The following HS3ST5 variants were observed in gnomAD, a reference collection of about 807,000 sequenced individuals.
The protein encoded by HS3ST5 is heparan sulfate-glucosamine 3-sulfotransferase 5, also known as heparan sulfate glucosamine 3-O-sulfotransferase 5.
A neutral mutation model predicts 25.4 loss-of-function variants in HS3ST5; 10 were observed. The observed-to-expected ratio is 0.39, with a 90% confidence interval of 0.24 to 0.67. The LOEUF (loss-of-function observed/expected upper bound fraction) is 0.67, where lower values mean the gene tolerates loss of function less well. Among genes scored for constraint, HS3ST5 ranks in the 30% least tolerant of loss-of-function variants. HS3ST5 has a pLI of 0.44. For synonymous variants in HS3ST5, 170 were observed against 162.4 expected (o/e 1.05, Z -0.36); for missense variants, 324 against 420.7 (o/e 0.77, Z 2.01).
intron 1 of HS3ST5, among the ~76,000 whole-genome samples, chr6:114,257,107 A>G (rs1392829909): frequency 6.6e-6 from 1 of 152,122 alleles, no homozygotes; most frequent in Non-Finnish European, 1.5e-5. Context: ...CCTATGATTC[A>G]ATTATCTCCC....
At chr6:114,239,895 C>T (rs533894022) in intron 1 of HS3ST5, among the ~76,000 whole-genome samples, 3 of 152,144 alleles carry the variant, frequency 2.0e-5, no homozygotes, top group Admixed American at 1.3e-4. Flanking sequence ...GCATAACTTC[C>T]TTGTTCTAAG....
At chr6:114,340,730 A>T (rs1443021624) in intron 1 of HS3ST5, 1 of 152,220 alleles carries the variant, frequency 6.6e-6, no homozygotes, top group Non-Finnish European at 1.5e-5. Flanking sequence ...AACCTTTTTT[A>T]AAAAATAATC....
intron 1 of HS3ST5, among the ~76,000 whole-genome samples, chr6:114,249,791 A>AT (rs985592375): frequency 6.6e-6 from 1 of 151,474 alleles, no homozygotes; most frequent in Non-Finnish European, 1.5e-5. Context: ...TCTGTCCAAA[A>AT]TTTTTTTTTC....
intron 3 of HS3ST5, among the ~76,000 whole-genome samples, chr6:114,072,306 AT>A (rs1302759439): frequency 6.6e-6 from 1 of 151,600 alleles, no homozygotes; most frequent in Admixed American, 6.6e-5. Flanking sequence ...GAAAAAAAAA[AT>A]TGAAAAAGCT....
At chr6:114,060,448 G>A (rs1773044847) in intron 4 of HS3ST5, among the ~76,000 whole-genome samples, 1 of 152,132 alleles carries the variant, frequency 6.6e-6, no homozygotes, top group South Asian at 2.1e-4. Context: ...TAGATACATA[G>A]GCAAAGATGC....
chr6:114,061,571 A>G (rs944765686), intron 4 of HS3ST5, among the ~76,000 whole-genome samples: 1 of 152,228 alleles, frequency 6.6e-6, no homozygotes, highest in African/African-American at 2.4e-5. Context: ...AAAGATTTTC[A>G]TTTTTAATTT....
intron 3 of HS3ST5, among the ~76,000 whole-genome samples, chr6:114,131,746 C>T (rs1413478447): frequency 1.3e-5 from 2 of 152,128 alleles, no homozygotes; most frequent in African/African-American, 4.8e-5. Context: ...AAAAAATCCA[C>T]AAATTTTACT....
chr6:114,148,922 G>A (rs1381764910), intron 3 of HS3ST5, among the ~76,000 whole-genome samples: 3 of 152,104 alleles, frequency 2.0e-5, no homozygotes, highest in African/African-American at 4.8e-5. Flanking sequence ...AGTGGGCAAA[G>A]GATATGAACA....
chr6:114,068,074 AAG>A (rs1773570652), intron 3 of HS3ST5, among the ~76,000 whole-genome samples: 1 of 152,238 alleles, frequency 6.6e-6, no homozygotes, highest in African/African-American at 2.4e-5. Context: ...TACAGAGAAA[AAG>A]AATTAAAAAA....
At chr6:114,109,790 AT>A (rs1423315652) in intron 3 of HS3ST5, among the ~76,000 whole-genome samples, 1 of 152,176 alleles carries the variant, frequency 6.6e-6, no homozygotes, top group African/African-American at 2.4e-5. Flanking sequence ...TCAAATAGCA[AT>A]TCTGCCTTAA....
Position 114,057,405 on chromosome 6 carries a change from T to A in HS3ST5, c.893A>T (p.Asn298Ile). 1 of 1,614,164 alleles carries A rather than the reference T, an allele frequency of 6.2e-7. No homozygotes were observed. Among genetic ancestry groups the A allele is most frequent in the Non-Finnish European group, 8.5e-7 (1 of 1,180,030 alleles). ...CGCCAGGCACTTATTAAAGATAATA[T>A]TAAACCGCAAGCAGTAAAACCCTCT... is the stretch of plus-strand genomic sequence containing the variant. The part of the protein sequence containing the change: ...ATRGFYCLRF[N>I]IIFNKCLAGS... The change falls in exon 5 of 5, where the codon AAT becomes ATT. Residue 298 changes from asparagine to isoleucine, a missense_variant. Asn to Ile is a moderately radical substitution (Grantham distance 149, BLOSUM62 -3). Coordinates refer to ENST00000312719, the MANE Select transcript of HS3ST5 (RefSeq NM_153612.4).
rs935908056 is a variant in HS3ST5, at chr6:114,226,824, A to T, written c.-145+1761T>A. Among the ~76,000 whole-genome samples the T allele has an allele frequency of 2.6e-5, 4 of 152,140 alleles. No homozygotes were observed. The South Asian group carries it at 6.2e-4, about 24-fold the overall frequency. On this transcript the variant is annotated intron_variant, in intron 2 of 4. Coordinates refer to ENST00000312719, the MANE Select transcript of HS3ST5 (RefSeq NM_153612.4). Reference sequence around the variant, plus strand: ...AAATACACCAATGATAATGAACATGATTCACTTCAAGACACAATTCATTCT... The same window carrying T: ...AAATACACCAATGATAATGAACATGTTTCACTTCAAGACACAATTCATTCT...
At chr6:114,068,203 G>T (rs973074527) in intron 3 of HS3ST5, among the ~76,000 whole-genome samples, 2 of 151,924 alleles carry the variant, frequency 1.3e-5, no homozygotes, top group Non-Finnish European at 2.9e-5. Flanking sequence ...TTTGTTCAAA[G>T]CAAGATGGCG....
intron 3 of HS3ST5, among the ~76,000 whole-genome samples, chr6:114,135,507 G>A (rs1352663995): frequency 6.6e-6 from 1 of 152,164 alleles, no homozygotes; most frequent in Non-Finnish European, 1.5e-5. Context: ...CAGAACCGGA[G>A]CTGGAACAGA....
intron 1 of HS3ST5, among the ~76,000 whole-genome samples, chr6:114,245,541 G>T (rs369373788): frequency 6.6e-6 from 1 of 152,050 alleles, no homozygotes; most frequent in Non-Finnish European, 1.5e-5. Context: ...CAACCAAGCA[G>T]AAGTGGTTTG....
rs530094393 is a variant in HS3ST5 at position 114,060,295 on chromosome 6, A to AGCTACTG, written c.108-2112_108-2106dup. 7.5e-3 allele frequency among the ~76,000 whole-genome samples: 1,145 copies of AGCTACTG among 152,290 alleles called. 14 individuals are homozygous for AGCTACTG. The highest frequency in any genetic ancestry group is 0.026 in the African/African-American group (1,086 of 41,556). The stretch of plus-strand genomic sequence containing the variant: ...CCAAAGTGCTGGGATTACAGGCGTG[A>AGCTACTG]GCTACTGTGCCTGGCCTAGACAGCT... On this transcript the variant is annotated intron_variant, in intron 4 of 4. Coordinates refer to ENST00000312719, the MANE Select transcript of HS3ST5 (RefSeq NM_153612.4).
chr6:114,190,586 G>C (rs971086049), intron 2 of HS3ST5, among the ~76,000 whole-genome samples: 4 of 152,182 alleles, frequency 2.6e-5, no homozygotes, highest in African/African-American at 9.6e-5. Flanking sequence ...AGAGTGCAGT[G>C]CCAAGGATTT....
intron 3 of HS3ST5, among the ~76,000 whole-genome samples, chr6:114,107,218 C>T (rs1417987185): frequency 6.6e-6 from 1 of 152,048 alleles, no homozygotes; most frequent in African/African-American, 2.4e-5. Context: ...TGGAGTTTAT[C>T]CCAAGGATGG....
intron 1 of HS3ST5, among the ~76,000 whole-genome samples, chr6:114,300,530 T>C (rs1775028277): frequency 6.6e-6 from 1 of 152,130 alleles, no homozygotes. Context: ...GTAGAGAAAT[T>C]TGAACCCTCA....
Sources: allele counts gnomAD v4.1 joint callset (sites outside exome capture counted in the v4.1 genomes callset), GRCh38; gene constraint gnomAD v4.1.1; transcripts MANE v1.5; gene names NCBI Gene and HGNC (gene_info 2026-07-23, HGNC 2026-07-21).